AGMO: variants seen among roughly 807,000 people sequenced by gnomAD.
AGMO encodes glyceryl-ether monooxygenase.
A neutral mutation model predicts 60.2 loss-of-function variants in AGMO; 75 were observed. The observed-to-expected ratio is 1.25, with a 90% CI of 1.03 to 1.51. AGMO has a LOEUF of 1.51. Ranked by LOEUF, AGMO falls within the 40% of genes most tolerant of loss-of-function variation. The pLI is 0.00. For synonymous variants in AGMO, 261 were observed against 177.1 expected (o/e 1.47, Z -3.76); for missense variants, 763 against 525.5 (o/e 1.45, Z -4.42).
intron 12 of AGMO, among the ~76,000 whole-genome samples, chr7:15,222,496 T>C (rs982253307): frequency 2.0e-5 from 3 of 152,094 alleles, no homozygotes; most frequent in African/African-American, 7.2e-5. Flanking sequence ...AAAACATGTT[T>C]TTCAATGTTA....
At chr7:15,336,521 G>A (rs78953880) in intron 12 of AGMO, among the ~76,000 whole-genome samples, 2 of 152,106 alleles carry the variant, frequency 1.3e-5, no homozygotes, top group African/African-American at 4.8e-5. Flanking sequence ...TAGAAGGACT[G>A]CTGTTGAATA....
At chr7:15,212,050 G>C (rs1039545388) in intron 12 of AGMO, among the ~76,000 whole-genome samples, 2 of 151,876 alleles carry the variant, frequency 1.3e-5, no homozygotes, top group South Asian at 4.1e-4. Flanking sequence ...GAGAATTATT[G>C]TTCCATATCT....
chr7:15,276,914 C>G (rs1026252601), intron 12 of AGMO, among the ~76,000 whole-genome samples: 4 of 142,124 alleles, frequency 2.8e-5, no homozygotes, highest in Non-Finnish European at 6.1e-5. Flanking sequence ...TTTAAGATAT[C>G]TAACTCTTCC....
At chr7:15,260,862 AC>A (rs1473152380) in intron 12 of AGMO, among the ~76,000 whole-genome samples, 2 of 152,062 alleles carry the variant, frequency 1.3e-5, no homozygotes, top group African/African-American at 4.8e-5. Context: ...TCCAAAAGGA[AC>A]CCTCAAAACC....
intron 6 of AGMO, among the ~76,000 whole-genome samples, chr7:15,392,498 T>TA (rs1355843152): frequency 6.6e-6 from 1 of 151,930 alleles, no homozygotes; most frequent in African/African-American, 2.4e-5. Flanking sequence ...TAAAAAACAT[T>TA]AAAAGTCAAA....
At chr7:15,181,170 T>C in the AGMO span, among the ~76,000 whole-genome samples, 3 of 152,178 alleles carry the variant, frequency 2.0e-5, no homozygotes, top group Non-Finnish European at 2.9e-5. Context: ...ATTCAAACCA[T>C]AGTAGGTACC....
At chr7:15,397,913 T>G (rs1161598680) in intron 5 of AGMO, among the ~76,000 whole-genome samples, 1 of 152,214 alleles carries the variant, frequency 6.6e-6, no homozygotes, top group Non-Finnish European at 1.5e-5. Context: ...TTTATTGGAC[T>G]ATATTGCTTT....
At chr7:15,439,038 A>G (rs1193814474) in intron 3 of AGMO, among the ~76,000 whole-genome samples, 2 of 152,202 alleles carry the variant, frequency 1.3e-5, no homozygotes, top group African/African-American at 4.8e-5. Flanking sequence ...CAACTAGCAT[A>G]GCTCAAAATA....
chr7:15,391,507 A>T (rs1583497430), intron 6 of AGMO, among the ~76,000 whole-genome samples: 1 of 152,208 alleles, frequency 6.6e-6, no homozygotes, highest in East Asian at 1.9e-4. Flanking sequence ...CATTTTTTAT[A>T]AAACTTAAGT....
the AGMO span, among the ~76,000 whole-genome samples, chr7:15,140,680 G>A: frequency 1.3e-5 from 2 of 151,696 alleles, no homozygotes; most frequent in Non-Finnish European, 2.9e-5. Flanking sequence ...ATATATTAAG[G>A]TTTTGATTAT....
At chr7:15,145,673 G>A in the AGMO span, among the ~76,000 whole-genome samples, 2 of 152,012 alleles carry the variant, frequency 1.3e-5, no homozygotes, top group African/African-American at 4.8e-5. Context: ...CACCTTTCAC[G>A]TATTTCCTTA....
the AGMO span, among the ~76,000 whole-genome samples, chr7:15,184,278 A>ATT: frequency 8.6e-6 from 1 of 116,654 alleles, no homozygotes. Flanking sequence ...GGAGGAAAGA[A>ATT]AAGGAAGGAA....
chr7:15,375,955 T>C (rs569782861), intron 10 of AGMO, among the ~76,000 whole-genome samples: 3 of 152,172 alleles, frequency 2.0e-5, no homozygotes, highest in African/African-American at 4.8e-5. Context: ...TAACATTCTA[T>C]TATTTGATGC....
At chr7:15,276,754 T>C (rs1310438596) in intron 12 of AGMO, among the ~76,000 whole-genome samples, 1 of 152,138 alleles carries the variant, frequency 6.6e-6, no homozygotes, top group Non-Finnish European at 1.5e-5. Flanking sequence ...CTTTTCTTTA[T>C]TTTGTTCTGT....
At chr7:15,313,254 A>G (rs1416648482) in intron 12 of AGMO, among the ~76,000 whole-genome samples, 1 of 152,174 alleles carries the variant, frequency 6.6e-6, no homozygotes, top group African/African-American at 2.4e-5. Flanking sequence ...ATCCCCCATC[A>G]TTGACTTTCT....
chr7:15,544,976 T>A, intron 2 of AGMO, 53 bp from the exon 3 acceptor site: 1 of 1,284,912 alleles, frequency 7.8e-7, no homozygotes, highest in Non-Finnish European at 1.0e-6. Flanking sequence ...GAAAAAAAAT[T>A]ACGCTAAAAT....
chr7:15,233,294 C>T (rs945415391), intron 12 of AGMO, among the ~76,000 whole-genome samples: 3 of 152,140 alleles, frequency 2.0e-5, no homozygotes, highest in African/African-American at 7.2e-5. Flanking sequence ...TTACCAGCCA[C>T]AGGTTGATAG....
chr7:15,395,192 CT>C (rs1784322091), intron 5 of AGMO, among the ~76,000 whole-genome samples: 1 of 152,116 alleles, frequency 6.6e-6, no homozygotes, highest in African/African-American at 2.4e-5. Flanking sequence ...ACATGACTCA[CT>C]TTTAGGGTTA....
intron 5 of AGMO, among the ~76,000 whole-genome samples, chr7:15,397,841 G>A (rs1009490057): frequency 1.3e-5 from 2 of 152,160 alleles, no homozygotes; most frequent in Non-Finnish European, 2.9e-5. Flanking sequence ...CTCCTATGAA[G>A]TAAAGCACAC....
Sources: allele counts gnomAD v4.1 joint callset (sites outside exome capture counted in the v4.1 genomes callset), GRCh38; gene constraint gnomAD v4.1.1; transcripts MANE v1.5; gene names NCBI Gene and HGNC (gene_info 2026-07-23, HGNC 2026-07-21).